Variants in ROCK1 observed in about 807,000 individuals in gnomAD.
ROCK1 encodes the protein Rho associated coiled-coil containing protein kinase 1.
In ROCK1, 36 loss-of-function variants were observed where a neutral mutation model predicts 196.8. That is an observed-to-expected ratio of 0.18 (90% CI 0.14 to 0.24). The LOEUF is 0.24. Among genes scored for constraint, ROCK1 ranks in the 10% least tolerant of loss-of-function variants. The pLI is 1.00. For synonymous variants in ROCK1, 443 were observed against 515.9 expected, an observed-to-expected ratio of 0.86 and a Z score of 1.91; for missense variants, 920 against 1,562.0, an observed-to-expected ratio of 0.59 and a Z score of 6.93.
At chr18:20,996,073 G>GC (rs1436960828) in intron 16 of ROCK1, among the ~76,000 whole-genome samples, 1 of 152,064 alleles carries the variant, frequency 6.6e-6, no homozygotes, top group Non-Finnish European at 1.5e-5. Flanking sequence ...ACTAAATAAG[G>GC]CCCCAGGGAC....
intron 12 of ROCK1, among the ~76,000 whole-genome samples, chr18:21,018,548 A>T (rs1453088261): frequency 1.3e-5 from 2 of 150,504 alleles, no homozygotes; most frequent in Non-Finnish European, 3.0e-5. Flanking sequence ...AAAAAAAAAA[A>T]TTTGGATGTA....
chr18:20,979,635 T>G (rs895943163), intron 22 of ROCK1, among the ~76,000 whole-genome samples: 2 of 151,770 alleles, frequency 1.3e-5, no homozygotes, highest in Admixed American at 1.3e-4. Flanking sequence ...AAAAAAAAAT[T>G]AAAAAAATAA....
At chr18:21,048,599 G>A (rs1318612214) in intron 4 of ROCK1, among the ~76,000 whole-genome samples, 7 of 151,830 alleles carry the variant, frequency 4.6e-5, no homozygotes, top group African/African-American at 1.7e-4. Context: ...GCCCAGGCTG[G>A]AGTGCAGTGA....
intron 18 of ROCK1, 108 bp downstream of exon 18, chr18:20,991,068 A>G: frequency 1.1e-6 from 1 of 872,890 alleles, no homozygotes; most frequent in East Asian, 2.5e-5. Context: ...CCTATAATTT[A>G]TATTATACTT....
intron 25 of ROCK1, chr18:20,968,552 G>A (rs757348663): frequency 9.1e-6 from 4 of 440,694 alleles, no homozygotes; most frequent in Non-Finnish European, 1.6e-5. Context: ...GTGTTCTGCT[G>A]GCCTCAGCCT....
In ROCK1 at chr18:20,984,539, T is replaced by C. The variant is rs941754740; in HGVS notation, c.2305-4A>G. The C allele has an allele frequency of 6.3e-6, 10 of 1,581,328 alleles. No homozygotes were observed. In the Admixed American group the frequency reaches 7.9e-5, roughly 13 times the overall value. On this transcript the variant is annotated splice_region_variant and splice_polypyrimidine_tract_variant and intron_variant, in intron 19 of 32. Coordinates refer to ENST00000399799, the MANE Select transcript of ROCK1 (RefSeq NM_005406.3). ...GTTGCAGGGTTAGATTCTTAACCTATGAATGAGAAAAATAATTGGGATCTT... is the reference window on the plus strand; with the variant it reads ...GTTGCAGGGTTAGATTCTTAACCTACGAATGAGAAAAATAATTGGGATCTT...
chr18:20,978,614 A>G (rs1185204190), intron 22 of ROCK1, among the ~76,000 whole-genome samples: 2 of 152,230 alleles, frequency 1.3e-5, no homozygotes, highest in Non-Finnish European at 2.9e-5. Context: ...TCTAGATACA[A>G]CTACTGACTT....
intron 11 of ROCK1, among the ~76,000 whole-genome samples, chr18:21,021,785 C>A (rs1461191877): frequency 1.3e-5 from 2 of 152,098 alleles, no homozygotes; most frequent in Non-Finnish European, 2.9e-5. Flanking sequence ...AAACATGAAT[C>A]CTTTGAATAT....
intron 2 of ROCK1, among the ~76,000 whole-genome samples, chr18:21,060,081 G>A (rs1371831100): frequency 2.0e-5 from 3 of 152,176 alleles, no homozygotes; most frequent in African/African-American, 4.8e-5. Context: ...GTTACCTTAC[G>A]AAGTGATGAA....
At chr18:21,099,140 G>C (rs2036635855) in intron 1 of ROCK1, among the ~76,000 whole-genome samples, 2 of 152,220 alleles carry the variant, frequency 1.3e-5, no homozygotes, top group South Asian at 4.1e-4. Flanking sequence ...TCCATCCATA[G>C]GAGACTGAAT....
rs1370242195 is a variant in ROCK1, at chr18:20,959,106, T to TATA, written c.3512+731_3512+733dup. Among the ~76,000 whole-genome samples the TATA allele has an allele frequency of 6.6e-5, 3 of 45,320 alleles. 1 individual carries two copies. In the African/African-American group the frequency reaches 6.8e-4, roughly 10 times the overall value. 29.7% of individuals were successfully genotyped at this position (45,320 alleles called of 152,430 possible). A position where few individuals can be genotyped will look rare whatever the true frequency, so the allele number is the denominator to read the frequency against. On this transcript the variant is annotated intron_variant, in intron 29 of 32. Transcript: ENST00000399799. ...TATATTTTATATAATATATATATTA[T>TATA]ATATATATTATATAATATATATATT...
intron 8 of ROCK1, among the ~76,000 whole-genome samples, chr18:21,039,865 C>A (rs1012964345): frequency 1.3e-5 from 2 of 152,016 alleles, no homozygotes; most frequent in African/African-American, 2.4e-5. Context: ...TCGAGACCAG[C>A]CCAGCCAACA....
intron 1 of ROCK1, among the ~76,000 whole-genome samples, chr18:21,098,091 A>T (rs1179692429): frequency 6.6e-6 from 1 of 152,224 alleles, no homozygotes; most frequent in Non-Finnish European, 1.5e-5. Context: ...AGTTATCCCT[A>T]AAAAACACCC....
intron 1 of ROCK1, among the ~76,000 whole-genome samples, chr18:21,093,314 G>A (rs2036586656): frequency 1.3e-5 from 2 of 152,138 alleles, no homozygotes; most frequent in South Asian, 4.1e-4. Context: ...AACCTTTGGG[G>A]CCAGGCCAAA....
rs2035544676 is a variant in ROCK1, at chr18:20,982,777, C to T, written c.2545G>A (p.Glu849Lys). Residue 849 changes from glutamate (E) to lysine (K), a missense_variant, in exon 21 of 33, where the codon GAG becomes AAG. Physicochemically the swap from Glu to Lys is moderately conservative, Grantham distance 56. This residue lies in a region of ROCK1 where 520 missense variants were observed against 657.1 expected (regional missense o/e 0.79). Transcript: ENST00000399799. ...MRELQDQLEA[E>K]QYFSTLYKTQ... is the part of the protein sequence containing the mutation. ...TTCTCACTTACCGAGAAATATTGCTCAGCTTCAAGCTGATCTTGTAGCTCC... is the reference window on the plus strand; with the variant it reads ...TTCTCACTTACCGAGAAATATTGCTTAGCTTCAAGCTGATCTTGTAGCTCC... The T allele has an allele frequency of 6.4e-7, 1 of 1,552,496 alleles. No homozygotes were observed. Among genetic ancestry groups the T allele is most frequent in the Non-Finnish European group, 8.9e-7 (1 of 1,125,746 alleles).
intron 2 of ROCK1, among the ~76,000 whole-genome samples, chr18:21,059,841 A>G (rs2036273593): frequency 6.6e-6 from 1 of 152,370 alleles, no homozygotes; most frequent in Admixed American, 6.5e-5. Flanking sequence ...CATACAATGG[A>G]ATATTACTGG....
At chr18:21,033,310 A>G (rs777029602) in intron 9 of ROCK1, among the ~76,000 whole-genome samples, 3 of 152,212 alleles carry the variant, frequency 2.0e-5, no homozygotes, top group Non-Finnish European at 4.4e-5. Context: ...CACCTGGCCA[A>G]CAAGGACTAG....
chr18:20,993,983 C>T (rs879355399), intron 16 of ROCK1, among the ~76,000 whole-genome samples: 25 of 152,312 alleles, frequency 1.6e-4, no homozygotes, highest in Admixed American at 1.2e-3. Context: ...ACTTACTGTA[C>T]TTGTCCCACT....
intron 10 of ROCK1, among the ~76,000 whole-genome samples, chr18:21,025,829 ATATT>A (rs1236672400): frequency 3.9e-5 from 6 of 152,196 alleles, no homozygotes; most frequent in Non-Finnish European, 7.3e-5. Context: ...AAAAAATACT[ATATT>A]TATTTGTCAA....
Sources: gnomAD v4.1 joint callset for allele counts (sites outside exome capture counted in the v4.1 genomes callset) on GRCh38, gnomAD v4.1.1 for gene constraint, gnomAD v4.1.1 regional missense constraint, MANE v1.5 for transcripts, NCBI Gene and HGNC (gene_info 2026-07-23, HGNC 2026-07-21) for gene names.